Variants in SMARCA2 observed in about 807,000 individuals in gnomAD.
SMARCA2 encodes the protein SWI/SNF-related matrix-associated actin-dependent regulator of chromatin subfamily A member 2.
In SMARCA2, 61 loss-of-function variants were observed where a neutral mutation model predicts 199.8. That is an observed-to-expected ratio of 0.31 (90% confidence interval 0.25 to 0.38). The LOEUF (loss-of-function observed/expected upper bound fraction) is 0.38, where lower values mean the gene tolerates loss of function less well. Ranked by LOEUF, SMARCA2 falls within the 10% of genes least tolerant of loss-of-function variation. SMARCA2 has a pLI of 1.00. For missense variants in SMARCA2, 1,344 were observed against 2,012.2 expected (o/e 0.67, Z 6.35); for synonymous variants, 935 against 732.0 (o/e 1.28, Z -4.48).
chr9:2,183,822 T>C (rs1401823092), intron 31 of SMARCA2, among the ~76,000 whole-genome samples: 1 of 152,186 alleles, frequency 6.6e-6, no homozygotes, highest in East Asian at 1.9e-4. Flanking sequence ...AAAGAAGGTT[T>C]TGTGAATGAC....
chr9:2,016,235 G>A lies in SMARCA2; in HGVS notation c.-37+831G>A, dbSNP rs984723512. The A allele has an allele frequency of 6.6e-6, 1 of 152,384 alleles. No homozygotes were observed. Among genetic ancestry groups the A allele is most frequent in the Non-Finnish European group, 1.5e-5 (1 of 68,172 alleles). The allele number at this position is 152,384 out of a possible 1,614,324, so 9.4% of individuals were successfully genotyped here. A position where few individuals can be genotyped will look rare whatever the true frequency, so the allele number is the denominator to read the frequency against. ...ATTGGTAGGCAGGCCTTTAGGCAAA[G>A]GGGCTGCCAGGGGGCTGCGCCCCGG... On this transcript the variant is annotated intron_variant, in intron 1 of 33. Transcript: ENST00000349721. The surrounding 1 kb of genome is among the most constrained non-coding windows in gnomAD (Gnocchi z 5.6).
rs1336125275 is a variant in SMARCA2, at chr9:2,039,895, C to T, written c.785C>T (p.Pro262Leu). 6.2e-7 allele frequency: 1 copy of T among 1,613,718 alleles called. No individual in the cohort carries two copies. Among genetic ancestry groups the T allele is most frequent in the South Asian group, 1.1e-5 (1 of 91,044 alleles). Residue 262 changes from proline to leucine, a missense_variant, in exon 4 of 34, where the codon CCA becomes CTA. Pro to Leu is a moderately conservative substitution (Grantham distance 98). This residue lies in a region of SMARCA2 where 117 missense variants were observed against 99.1 expected (regional missense o/e 1.18). Coordinates refer to ENST00000349721, the MANE Select transcript of SMARCA2 (RefSeq NM_003070.5). This position sits in a 1 kb window ranked among gnomAD's most constrained non-coding sequence, Gnocchi z 4.8. ...QQPALVNYNRPSGPGPELSGP... is the reference protein window; with the variant it reads ...QQPALVNYNRLSGPGPELSGP... ...CCGGCCCTTGTTAACTACAACAGAC[C>T]ATCTGGTAGGTTAATACGCAACCAA...
chr9:2,030,614 C>T (rs1819020668), intron 2 of SMARCA2, among the ~76,000 whole-genome samples: 1 of 149,670 alleles, frequency 6.7e-6, no homozygotes, highest in Non-Finnish European at 1.5e-5. Flanking sequence ...TTGCTGGAGG[C>T]AATCTGATTT....
At position 2,057,075 on chromosome 9, in the gene SMARCA2, C is replaced by T. The variant is rs116659591; in HGVS notation, c.1347+230C>T. 2.9e-3 allele frequency among the ~76,000 whole-genome samples: 449 copies of T among 152,302 alleles called. 2 individuals are homozygous for T. The highest frequency in any genetic ancestry group is 0.01 in the African/African-American group (430 of 41,558). On this transcript the variant is annotated intron_variant, in intron 7 of 33. Coordinates refer to ENST00000349721, the MANE Select transcript of SMARCA2 (RefSeq NM_003070.5). ...AAGGTCATACAATTGCTTAGCAGCA[C>T]AATGAGGTTTAGTATTGTCTTAGTT... is the stretch of plus-strand genomic sequence containing the variant.
intron 27 of SMARCA2, among the ~76,000 whole-genome samples, chr9:2,135,106 G>A (rs964629703): frequency 6.6e-6 from 1 of 152,194 alleles, no homozygotes; most frequent in African/African-American, 2.4e-5. Context: ...TTGAGTCCAA[G>A]TCTGAAGGAC....
chr9:2,080,516 C>T (rs187962840), intron 14 of SMARCA2, among the ~76,000 whole-genome samples: 37 of 152,318 alleles, frequency 2.4e-4, no homozygotes, highest in African/African-American at 8.9e-4. Flanking sequence ...TTTTCTAAAG[C>T]TCTAGTGGTT....
chr9:2,118,895 A>T (rs1448820804), intron 25 of SMARCA2, among the ~76,000 whole-genome samples: 1 of 152,192 alleles, frequency 6.6e-6, no homozygotes, highest in African/African-American at 2.4e-5. Flanking sequence ...AATCATTAAC[A>T]ATAATACCCA....
chr9:2,037,038 G>GT (rs1819366378), intron 3 of SMARCA2, among the ~76,000 whole-genome samples: 1 of 152,148 alleles, frequency 6.6e-6, no homozygotes. Context: ...AGCCCTGGTC[G>GT]TATCTCTTCT....
intron 4 of SMARCA2, among the ~76,000 whole-genome samples, chr9:2,046,568 A>G (rs573819387): frequency 1.3e-5 from 2 of 152,304 alleles, no homozygotes; most frequent in East Asian, 3.9e-4. Context: ...CCTTAAAAGA[A>G]AAAGTGTGTG....
intron 29 of SMARCA2, among the ~76,000 whole-genome samples, chr9:2,178,532 A>G (rs1284339712): frequency 7.2e-5 from 11 of 152,128 alleles, no homozygotes. Context: ...AACATTGTAC[A>G]ATTAGACTAT....
chr9:2,106,888 CAG>C (rs1205909402), intron 23 of SMARCA2, among the ~76,000 whole-genome samples: 3 of 152,222 alleles, frequency 2.0e-5, no homozygotes, highest in African/African-American at 7.2e-5. Context: ...GAAAGTCTGA[CAG>C]TGTGTTCCTT....
In SMARCA2 at chr9:2,186,282, C is replaced by T. The variant is rs1408561554; in HGVS notation, c.4594+54C>T. On this transcript the variant is annotated intron_variant, in intron 32 of 33. Transcript: ENST00000349721. ...TCTTTGCCCCTCCTCACCTGCATAG[C>T]TGTCTCCACAGATGTTCACAGAAGA... 10 of 1,548,368 alleles carry T rather than the reference C, an allele frequency of 6.5e-6. No homozygotes were observed. The South Asian group carries it at 9.4e-5, about 15-fold the overall frequency.
intron 30 of SMARCA2, 73 bp from the exon 31 acceptor site, chr9:2,182,068 T>C (rs986125391): frequency 3.4e-5 from 34 of 990,152 alleles, no homozygotes; most frequent in Non-Finnish European, 5.4e-5. Context: ...AATCAGGCTT[T>C]GTTAACTAAG....
At chr9:2,188,618 T>C (rs138409504) in intron 32 of SMARCA2, among the ~76,000 whole-genome samples, 4 of 152,346 alleles carry the variant, frequency 2.6e-5, no homozygotes, top group Admixed American at 2.6e-4. Context: ...TTTAGTTTAA[T>C]TTCTCAAGCC....
At chr9:2,027,060 C>A (rs1302301699) in intron 1 of SMARCA2, among the ~76,000 whole-genome samples, 1 of 151,890 alleles carries the variant, frequency 6.6e-6, no homozygotes, top group African/African-American at 2.4e-5. Flanking sequence ...ATTTACTTGT[C>A]AAAATGGCCT....
intron 3 of SMARCA2, among the ~76,000 whole-genome samples, chr9:2,037,474 C>G (rs1024406292): frequency 5.9e-5 from 9 of 152,174 alleles, no homozygotes; most frequent in African/African-American, 2.2e-4. Flanking sequence ...TGGAGCAAAA[C>G]CCATTCTTGG....
chr9:2,060,055 C>A lies in SMARCA2; in HGVS notation c.1522-761C>A, dbSNP rs542256369. On this transcript the variant is annotated intron_variant, in intron 8 of 33. Transcript: ENST00000349721. The stretch of plus-strand genomic sequence containing the variant: ...TATTTTATTGCTCAGCAGTACCAGA[C>A]TTCAGGTGCTAAGTGACTTGTCTCC... Among the ~76,000 whole-genome samples the A allele has an allele frequency of 2.2e-5, 3 of 136,150 alleles. No homozygotes were observed. In the South Asian group the frequency reaches 7.1e-4, roughly 32 times the overall value. 89.3% of individuals were successfully genotyped at this position (136,150 alleles called of 152,430 possible).
chr9:2,040,103 C>A lies in SMARCA2; in HGVS notation c.790+203C>A. On this transcript the variant is annotated intron_variant, in intron 4 of 33. Transcript: ENST00000349721. The stretch of plus-strand genomic sequence containing the variant: ...TGAGACCTAGGGCAGTGTTTCTTAA[C>A]CTTAAAAGGTGGTTGTGCAAGCTGG... The A allele has an allele frequency of 2.8e-6, 3 of 1,080,576 alleles. No homozygotes were observed. In the East Asian group the frequency reaches 7.8e-5, roughly 28 times the overall value. 66.9% of individuals were successfully genotyped at this position (1,080,576 alleles called of 1,614,324 possible). A position where few individuals can be genotyped will look rare whatever the true frequency, so the allele number is the denominator to read the frequency against.
At chr9:2,098,095 A>C (rs914144811) in intron 21 of SMARCA2, among the ~76,000 whole-genome samples, 10 of 152,096 alleles carry the variant, frequency 6.6e-5, no homozygotes, top group Admixed American at 6.5e-5. Context: ...ACAGTGTTTC[A>C]CCCCAGTGGG....
Sources: gnomAD v4.1 joint callset for allele counts (sites outside exome capture counted in the v4.1 genomes callset) on GRCh38, gnomAD v4.1.1 for gene constraint, gnomAD v4.1.1 regional missense constraint, Gnocchi (gnomAD v3.1) non-coding constraint, MANE v1.5 for transcripts, NCBI Gene and HGNC (gene_info 2026-07-23, HGNC 2026-07-21) for gene names.